The following PDE6A variants were observed in gnomAD, a reference collection of about 807,000 sequenced individuals.
PDE6A encodes the protein phosphodiesterase 6A.
A neutral mutation model predicts 106.3 loss-of-function variants in PDE6A; 84 were observed. That is an observed-to-expected ratio of 0.79 (90% CI 0.66 to 0.95). PDE6A has a LOEUF of 0.95. Among genes scored for constraint, PDE6A ranks in the 40% least tolerant of loss-of-function variants. The pLI is 0.00. For missense variants in PDE6A, 1,052 were observed against 1,084.9 expected (o/e 0.97, Z 0.43); for synonymous variants, 394 against 386.6 (o/e 1.02, Z -0.23).
In PDE6A at chr5:149,859,376, C is replaced by A. The variant is rs1288678303; in HGVS notation, c.*1519G>T. The A allele has an allele frequency of 6.6e-6, 1 of 152,218 alleles. No individual in the cohort carries two copies. The highest frequency in any genetic ancestry group is 1.9e-4 in the East Asian group (1 of 5,206). The allele number at this position is 152,218 out of a possible 1,614,324, so 9.4% of individuals were successfully genotyped here. ...AGAATGAAGGAAGGTTGATTAAGGG[C>A]TGGCATCACAAGTTGGGTGTCCCAG... On this transcript the variant is annotated 3_prime_UTR_variant, in exon 22 of 22. Transcript: ENST00000255266.
chr5:149,923,615 G>A (rs1753795646), intron 4 of PDE6A, among the ~76,000 whole-genome samples: 2 of 152,058 alleles, frequency 1.3e-5, no homozygotes, highest in Admixed American at 1.3e-4. Context: ...CAAGACACAG[G>A]CAGAGGGAAG....
intron 14 of PDE6A, among the ~76,000 whole-genome samples, chr5:149,885,585 C>T (rs780637696): frequency 3.3e-5 from 5 of 152,164 alleles, no homozygotes; most frequent in South Asian, 2.1e-4. Flanking sequence ...ACTGTAAATA[C>T]GAGATGAGTG....
At chr5:149,905,467 C>T (rs1234973671) in intron 7 of PDE6A, among the ~76,000 whole-genome samples, 2 of 152,142 alleles carry the variant, frequency 1.3e-5, no homozygotes, top group Admixed American at 6.5e-5. Flanking sequence ...CTGAAACTGA[C>T]CTTGTCATCT....
intron 10 of PDE6A, among the ~76,000 whole-genome samples, chr5:149,897,403 G>A (rs1292872812): frequency 6.6e-6 from 1 of 152,150 alleles, no homozygotes; most frequent in Non-Finnish European, 1.5e-5. Flanking sequence ...GCTGTGCCCC[G>A]ATAGGTTGCA....
intron 1 of PDE6A, among the ~76,000 whole-genome samples, chr5:149,943,712 A>G (rs138285703): frequency 1.1e-3 from 166 of 148,916 alleles, no homozygotes; most frequent in Middle Eastern, 7.0e-3. Context: ...AGTACTGTGG[A>G]GGTATTGTGG....
chr5:149,869,373 A>G (rs552171205), intron 17 of PDE6A, among the ~76,000 whole-genome samples: 1 of 152,182 alleles, frequency 6.6e-6, no homozygotes, highest in African/African-American at 2.4e-5. Context: ...CAGGTAAAGA[A>G]AGTAGGTAGA....
rs1760009052 is a variant in PDE6A, at chr5:149,858,383, T to G, written c.*2512A>C. ...TTCAACTTCTGGTTTATTTGTGCTGTTTTCAACATCAGTTACTATGGTATG... is the reference window on the plus strand; with the variant it reads ...TTCAACTTCTGGTTTATTTGTGCTGGTTTCAACATCAGTTACTATGGTATG... On this transcript the variant is annotated 3_prime_UTR_variant, in exon 22 of 22. Coordinates refer to ENST00000255266, the MANE Select transcript of PDE6A (RefSeq NM_000440.3). The G allele has an allele frequency of 6.6e-6, 1 of 152,232 alleles. No individual in the cohort carries two copies. Among genetic ancestry groups the G allele is most frequent in the Non-Finnish European group, 1.5e-5 (1 of 68,044 alleles). 9.4% of individuals were successfully genotyped at this position (152,232 alleles called of 1,614,324 possible).
intron 5 of PDE6A, among the ~76,000 whole-genome samples, chr5:149,915,463 A>G (rs576275101): frequency 2.6e-5 from 4 of 152,234 alleles, no homozygotes; most frequent in Admixed American, 6.5e-5. Flanking sequence ...ATTTTGCCCC[A>G]TGGTTTTCAG....
In PDE6A at chr5:149,907,987, A is replaced by G. The variant is rs556024971; in HGVS notation, c.999-609T>C. On this transcript the variant is annotated intron_variant, in intron 6 of 21. Transcript: ENST00000255266. ...CCCCCGCAATCATAACCTTCTCCCT[A>G]ACCCCAAAGGTAACCATTATTCTGA... Among the ~76,000 whole-genome samples, 4 of 152,334 alleles carry G rather than the reference A, an allele frequency of 2.6e-5. No homozygotes were observed. The East Asian group carries it at 7.7e-4, about 29-fold the overall frequency.
At chr5:149,898,173 C>CTCAT (rs915023886) in intron 10 of PDE6A, among the ~76,000 whole-genome samples, 190 bp downstream of exon 10, 5 of 152,174 alleles carry the variant, frequency 3.3e-5, no homozygotes, top group Non-Finnish European at 5.9e-5. Context: ...TGCTCATGCA[C>CTCAT]TCATTCATTC....
rs1049875890 is a variant in PDE6A at position 149,865,223 on chromosome 5, G to C, written c.2358+947C>G. ...CCACTGCACTCCAACCTGGGTGACA[G>C]AGTGAGATTCTGTCTCAAAAAAAAA... On this transcript the variant is annotated intron_variant, in intron 20 of 21. Coordinates refer to ENST00000255266, the MANE Select transcript of PDE6A (RefSeq NM_000440.3). Among the ~76,000 whole-genome samples the C allele has an allele frequency of 2.1e-5, 3 of 142,122 alleles. No homozygotes were observed. The East Asian group carries it at 6.0e-4, about 29-fold the overall frequency. 93.2% of individuals were successfully genotyped at this position (142,122 alleles called of 152,430 possible).
At chr5:149,904,723 C>T (rs976690553) in intron 7 of PDE6A, among the ~76,000 whole-genome samples, 6 of 152,114 alleles carry the variant, frequency 3.9e-5, no homozygotes, top group Admixed American at 1.3e-4. Flanking sequence ...ACTGCCTGCT[C>T]ACTGCACCAG....
chr5:149,939,005 CT>C (rs941357137), intron 1 of PDE6A, among the ~76,000 whole-genome samples: 4 of 152,204 alleles, frequency 2.6e-5, no homozygotes, highest in African/African-American at 7.2e-5. Context: ...CACCACCTTC[CT>C]TCTCCTTCAC....
At chr5:149,910,413 C>T (rs1444329076) in intron 6 of PDE6A, among the ~76,000 whole-genome samples, 1 of 152,156 alleles carries the variant, frequency 6.6e-6, no homozygotes, top group Non-Finnish European at 1.5e-5. Context: ...GCCAATTAAC[C>T]TATAACGTAA....
chr5:149,913,193 C>T (rs1006802201), intron 6 of PDE6A, among the ~76,000 whole-genome samples: 3 of 151,976 alleles, frequency 2.0e-5, no homozygotes, highest in African/African-American at 7.3e-5. Flanking sequence ...ACCAGCCTGA[C>T]CAACATGGCG....
chr5:149,916,994 TG>T (rs1204901435), intron 5 of PDE6A, among the ~76,000 whole-genome samples: 1 of 152,116 alleles, frequency 6.6e-6, no homozygotes, highest in East Asian at 1.9e-4. Context: ...TAGGAAGTTT[TG>T]TAACAATTTG....
At chr5:149,905,445 G>C (rs569243424) in intron 7 of PDE6A, among the ~76,000 whole-genome samples, 1 of 152,282 alleles carries the variant, frequency 6.6e-6, no homozygotes, top group Admixed American at 6.5e-5. Flanking sequence ...AAATGTCATA[G>C]TTTTACCTTG....
At chr5:149,911,852 A>G (rs891495167) in intron 6 of PDE6A, among the ~76,000 whole-genome samples, 4 of 149,848 alleles carry the variant, frequency 2.7e-5, no homozygotes, top group Admixed American at 2.0e-4. Flanking sequence ...CAAAAAAAAA[A>G]AAAAAAAAAA....
rs184467918 is a variant in PDE6A, at chr5:149,870,114, C to A, written c.2136-1956G>T. ...GATTAACCTGCGCAAAATAGTGAGA[C>A]CCTGTCCCTATGAAAAATACACAGA... On this transcript the variant is annotated intron_variant, in intron 17 of 21. Coordinates refer to ENST00000255266, the MANE Select transcript of PDE6A (RefSeq NM_000440.3). Among the ~76,000 whole-genome samples the A allele has an allele frequency of 3.9e-5, 6 of 152,054 alleles. No individual in the cohort carries two copies. In the East Asian group the frequency reaches 5.8e-4, roughly 15 times the overall value.
Sources: allele counts gnomAD v4.1 joint callset (sites outside exome capture counted in the v4.1 genomes callset), GRCh38; gene constraint gnomAD v4.1.1; transcripts MANE v1.5; gene names NCBI Gene and HGNC (gene_info 2026-07-23, HGNC 2026-07-21).